Variants in COPG1 observed in about 807,000 individuals in gnomAD.
COPG1 encodes the protein coat protein complex I subunit gamma 1, also known as coatomer subunit gamma-1.
In COPG1, 29 loss-of-function variants were observed where a neutral mutation model predicts 102.8. The observed-to-expected ratio is 0.28, with a 90% CI of 0.21 to 0.38. The LOEUF is 0.38. Among genes scored for constraint, COPG1 ranks in the 10% least tolerant of loss-of-function variants. The pLI is 1.00. For synonymous variants in COPG1, 406 were observed against 421.6 expected (o/e 0.96, Z 0.45); for missense variants, 875 against 1,132.7 (o/e 0.77, Z 3.27).
At chr3:129,254,344 A>G (rs1383222453) in intron 5 of COPG1, 2 of 261,850 alleles carry the variant, frequency 7.6e-6, no homozygotes, top group Non-Finnish European at 1.5e-5. Context: ...GAGGAATGCT[A>G]CAGGCTGAGG....
rs747266916 is a variant in COPG1 at position 129,257,500 on chromosome 3, C to T, written c.610C>T (p.Arg204Cys). The change falls in exon 9 of 24, where the codon CGT becomes TGT. Residue 204 changes from arginine (R) to cysteine (C), a missense_variant. Coordinates refer to ENST00000314797, the MANE Select transcript of COPG1 (RefSeq NM_016128.4). ...CGCACTAGGGCTCCTGTACCATGTG[C>T]GTAAGAATGACCGCCTAGCCGTCAA... ...YHALGLLYHV[R>C]KNDRLAVNKM... The T allele has an allele frequency of 6.8e-6, 11 of 1,614,074 alleles. No individual in the cohort carries two copies. The highest frequency in any genetic ancestry group is 5.3e-5 in the African/African-American group (4 of 74,922).
At chr3:129,255,167 G>C (rs1939782083) in intron 7 of COPG1, 90 bp downstream of exon 7, 1 of 812,830 alleles carries the variant, frequency 1.2e-6, no homozygotes, top group Non-Finnish European at 2.0e-6. Flanking sequence ...AAAAGAAAGT[G>C]TTTCTTTCTT....
chr3:129,257,619 G>C lies in COPG1; in HGVS notation c.729G>C (p.Glu243Asp). ...IRVASKQLEE[E>D]DGSRDSPLFD... ...TGGCCAGCAAGCAGCTGGAAGAGGA[G>C]GATGGCAGGTAACGGCTCTCATCTC... Residue 243 changes from glutamate to aspartate, a missense_variant, in exon 9 of 24, where the codon GAG becomes GAC. Transcript: ENST00000314797. 6.2e-7 allele frequency: 1 copy of C among 1,614,220 alleles called. No individual in the cohort carries two copies. Among genetic ancestry groups the C allele is most frequent in the South Asian group, 1.1e-5 (1 of 91,084 alleles).
At chr3:129,262,083 T>C (rs1939936348) in intron 12 of COPG1, among the ~76,000 whole-genome samples, 1 of 152,104 alleles carries the variant, frequency 6.6e-6, no homozygotes, top group African/African-American at 2.4e-5. Context: ...ACAAGAATGC[T>C]TTGCAGGCTG....
chr3:129,267,728 A>G (rs1458650739), intron 15 of COPG1, among the ~76,000 whole-genome samples: 2 of 152,324 alleles, frequency 1.3e-5, no homozygotes, highest in East Asian at 1.9e-4. Flanking sequence ...TGGAACCATC[A>G]CCACAACCTG....
At chr3:129,255,161 G>T (rs1019649313) in intron 7 of COPG1, 84 bp downstream of exon 7, 30 of 847,014 alleles carry the variant, frequency 3.5e-5, no homozygotes, top group Non-Finnish European at 5.3e-5. Flanking sequence ...TAGGAAAAAA[G>T]AAAGTGTTTC....
intron 1 of COPG1, among the ~76,000 whole-genome samples, chr3:129,250,468 G>C (rs1393400905): frequency 6.6e-6 from 1 of 152,224 alleles, no homozygotes; most frequent in Non-Finnish European, 1.5e-5. Context: ...CAGGGCTGCT[G>C]GGAGATTGTG....
intron 21 of COPG1, 39 bp downstream of exon 21, chr3:129,272,943 G>A: frequency 1.6e-6 from 2 of 1,260,022 alleles, no homozygotes; most frequent in Non-Finnish European, 2.3e-6. Flanking sequence ...TTTGTGCTGA[G>A]GCTGCAAAGC....
At chr3:129,254,466 C>A in intron 5 of COPG1, 1 of 523,224 alleles carries the variant, frequency 1.9e-6, no homozygotes, top group South Asian at 2.7e-5. Context: ...TTAGCAAAAG[C>A]AGGGGGATGA....
intron 11 of COPG1, 66 bp downstream of exon 11, chr3:129,260,466 G>T: frequency 6.5e-7 from 1 of 1,548,210 alleles, no homozygotes; most frequent in South Asian, 1.1e-5. Context: ...CCTAGCCTCT[G>T]ACCTGGCTGG....
At chr3:129,258,131 G>T (rs1939853505) in intron 10 of COPG1, among the ~76,000 whole-genome samples, 1 of 152,226 alleles carries the variant, frequency 6.6e-6, no homozygotes, top group Non-Finnish European at 1.5e-5. Flanking sequence ...CACAGGAGGA[G>T]GCCTGGTGGA....
rs1480604544 is a variant in COPG1 at position 129,271,351 on chromosome 3, T to G, written c.1844-416T>G. 1.3e-5 allele frequency among the ~76,000 whole-genome samples: 2 copies of G among 152,232 alleles called. No individual in the cohort carries two copies. Among genetic ancestry groups the G allele is most frequent in the African/African-American group, 4.8e-5 (2 of 41,456 alleles). On this transcript the variant is annotated intron_variant, in intron 18 of 23. Transcript: ENST00000314797. This position sits in a 1 kb window ranked among gnomAD's most constrained non-coding sequence, Gnocchi z 4.7. ...TAAATATATAGGACCAGTTTGTTAT[T>G]TTGTCTGATTTTGTAGCTATAGCAG...
chr3:129,276,563 A>T (rs1397506267), intron 23 of COPG1, among the ~76,000 whole-genome samples: 1 of 152,200 alleles, frequency 6.6e-6, no homozygotes, highest in Non-Finnish European at 1.5e-5. Flanking sequence ...CCCTGCCTAC[A>T]GCTGACAGTT....
intron 10 of COPG1, among the ~76,000 whole-genome samples, chr3:129,259,948 C>T (rs1383423395): frequency 6.6e-6 from 1 of 152,200 alleles, no homozygotes; most frequent in Non-Finnish European, 1.5e-5. Flanking sequence ...GGAATTTAAT[C>T]TTGGTTCTGC....
intron 2 of COPG1, 112 bp from the exon 3 acceptor site, chr3:129,252,169 A>G: frequency 1.4e-6 from 1 of 725,306 alleles, no homozygotes; most frequent in Non-Finnish European, 2.5e-6. Context: ...TTGCATACCC[A>G]GAAAGCCCTG....
intron 10 of COPG1, 143 bp downstream of exon 10, chr3:129,258,003 T>C: frequency 9.8e-7 from 1 of 1,019,102 alleles, no homozygotes. Context: ...CCCCAGACAC[T>C]ATGCTGAGTC....
At position 129,249,676 on chromosome 3, in the gene COPG1, T is replaced by C. The variant is rs1939650101; in HGVS notation, c.-34T>C. ...TACTCCGTGCCGCGCCCGTCGAGCA[T>C]TGCGTTGCTGCATTGCGCCCCACCG... On this transcript the variant is annotated 5_prime_UTR_variant, in exon 1 of 24. Coordinates refer to ENST00000314797, the MANE Select transcript of COPG1 (RefSeq NM_016128.4). The C allele has an allele frequency of 7.7e-6, 12 of 1,550,810 alleles. No individual in the cohort carries two copies. Among genetic ancestry groups the C allele is most frequent in the Admixed American group, 2.0e-5 (1 of 50,984 alleles).
chr3:129,271,579 C>T lies in COPG1; in HGVS notation c.1844-188C>T, dbSNP rs1940182364. On this transcript the variant is annotated intron_variant, in intron 18 of 23. Coordinates refer to ENST00000314797, the MANE Select transcript of COPG1 (RefSeq NM_016128.4). This position sits in a 1 kb window ranked among gnomAD's most constrained non-coding sequence, Gnocchi z 4.7. ...TTTGTGGGGGGTTGTGCCACATGAG[C>T]GAAGTCAGGGAGATGAGAAAATGCA... is the stretch of plus-strand genomic sequence containing the variant. Among the ~76,000 whole-genome samples, 2 of 151,870 alleles carry T rather than the reference C, an allele frequency of 1.3e-5. No individual in the cohort carries two copies. Among genetic ancestry groups the T allele is most frequent in the Admixed American group, 6.6e-5 (1 of 15,242 alleles).
chr3:129,252,653 G>C lies in COPG1; in HGVS notation c.202G>C (p.Glu68Gln), dbSNP rs754913505. Residue 68 changes from glutamate to glutamine, a missense_variant, in exon 4 of 24, where the codon GAG becomes CAG. Physicochemically the swap from Glu to Gln is conservative, Grantham distance 29 (BLOSUM62 2). Transcript: ENST00000314797. ...GEHLGTTEAT[E>Q]AFFAMTKLFQ... ...GCACCTGGGGACCACGGAAGCGACC[G>C]AGGCCTTCTTTGCCATGACCAAGCT... 6.2e-7 allele frequency: 1 copy of C among 1,614,150 alleles called. No homozygotes were observed. Among genetic ancestry groups the C allele is most frequent in the Non-Finnish European group, 8.5e-7 (1 of 1,180,018 alleles).
Sources: allele counts gnomAD v4.1 joint callset (sites outside exome capture counted in the v4.1 genomes callset), GRCh38; gene constraint gnomAD v4.1.1; non-coding constraint Gnocchi (gnomAD v3.1); transcripts MANE v1.5; gene names NCBI Gene and HGNC (gene_info 2026-07-23, HGNC 2026-07-21).